Variants in TANC1 observed in about 807,000 individuals in gnomAD.
The protein encoded by TANC1 is tetratricopeptide repeat, ankyrin repeat and coiled-coil containing 1, also known as protein TANC1.
TANC1 carries 77 observed loss-of-function variants against 149.7 expected under a neutral mutation model. That is an observed-to-expected ratio of 0.51 (90% confidence interval 0.43 to 0.62). The LOEUF (loss-of-function observed/expected upper bound fraction) is 0.62. Ranked by LOEUF, TANC1 falls within the 20% of genes least tolerant of loss-of-function variation. TANC1 has a pLI of 0.00. For synonymous variants in TANC1, 854 were observed against 925.0 expected, an observed-to-expected ratio of 0.92 and a Z score of 1.39; for missense variants, 1,985 against 2,321.8, an observed-to-expected ratio of 0.85 and a Z score of 2.98.
intron 19 of TANC1, among the ~76,000 whole-genome samples, chr2:159,199,377 G>C (rs977983893): frequency 3.3e-5 from 5 of 152,214 alleles, no homozygotes; most frequent in Admixed American, 3.3e-4. Flanking sequence ...TCTAACCAAT[G>C]TGATCTTCCT....
In TANC1 at chr2:159,140,859, T is replaced by A. The variant is rs181009151; in HGVS notation, c.364+4561T>A. Among the ~76,000 whole-genome samples, 217 of 152,054 alleles carry A rather than the reference T, an allele frequency of 1.4e-3. 2 individuals are homozygous for A. Among genetic ancestry groups the A allele is most frequent in the African/African-American group, 5.0e-3 (209 of 41,462 alleles). ...GCACCCACCGCCACACCCGGCTAATTTTTGTATTTTTAGTAGAGACAGAGT... is the reference window on the plus strand; with the variant it reads ...GCACCCACCGCCACACCCGGCTAATATTTGTATTTTTAGTAGAGACAGAGT... On this transcript the variant is annotated intron_variant, in intron 5 of 26. Coordinates refer to ENST00000263635, the MANE Select transcript of TANC1 (RefSeq NM_033394.3).
intron 3 of TANC1, among the ~76,000 whole-genome samples, chr2:159,088,006 A>G (rs1001497086): frequency 6.6e-6 from 1 of 151,672 alleles, no homozygotes; most frequent in Non-Finnish European, 1.5e-5. Flanking sequence ...AGGAAGAGAA[A>G]GGCATGAACT....
At position 159,163,417 on chromosome 2, in the gene TANC1, G is replaced by T. The variant is rs763305367; in HGVS notation, c.817G>T (p.Ala273Ser). The change falls in exon 8 of 27, where the codon GCA becomes TCA. Residue 273 changes from alanine (A) to serine (S), a missense_variant. By Grantham distance (99) the Ala-to-Ser change is moderately conservative (BLOSUM62 1). This residue lies in a region of TANC1 where 557 missense variants were observed against 612.9 expected (regional missense o/e 0.91). Transcript: ENST00000263635. ...DRRADNCSPV[A>S]EEETTGSAES... ...CAGGGCAGATAACTGCTCCCCAGTG[G>T]CAGAAGAGGAGACCACCGGGTCAGC... is the stretch of plus-strand genomic sequence containing the variant. 1.9e-6 allele frequency: 3 copies of T among 1,614,174 alleles called. No individual in the cohort carries two copies. The highest frequency in any genetic ancestry group is 2.5e-6 in the Non-Finnish European group (3 of 1,180,036).
intron 18 of TANC1, 141 bp downstream of exon 18, chr2:159,196,934 G>T (rs62172663): frequency 0.027 from 19,290 of 718,706 alleles, 369 homozygotes; most frequent in African/African-American, 0.069. Context: ...GGTCTTCTAT[G>T]GGCACCACAT....
At chr2:159,028,577 A>G (rs970760013) in intron 2 of TANC1, among the ~76,000 whole-genome samples, 3 of 152,226 alleles carry the variant, frequency 2.0e-5, no homozygotes, top group Non-Finnish European at 4.4e-5. Flanking sequence ...TCTAACTCCT[A>G]ACAAAATTTT....
At position 159,059,888 on chromosome 2, in the gene TANC1, T is replaced by TTTTGTG. The variant is rs1195029777; in HGVS notation, c.-15-6007_-15-6006insTTGTGT. Among the ~76,000 whole-genome samples the TTTTGTG allele has an allele frequency of 2.6e-5, 3 of 114,804 alleles. No individual in the cohort carries two copies. In the Admixed American group the frequency reaches 2.8e-4, roughly 11 times the overall value. The allele number at this position is 114,804 out of a possible 152,430, so 75.3% of individuals were successfully genotyped here. Reference sequence around the variant, plus strand: ...CCAGTGTACCATCTAGCAGACCTCTTTGTGTGTGTGTGTGTGTGTGTGTGT... The same window carrying TTTTGTG: ...CCAGTGTACCATCTAGCAGACCTCTTTTTGTGTGTGTGTGTGTGTGTGTGTGTGTGT... On this transcript the variant is annotated intron_variant, in intron 2 of 26. Coordinates refer to ENST00000263635, the MANE Select transcript of TANC1 (RefSeq NM_033394.3).
At chr2:159,056,299 T>G (rs1471373695) in intron 2 of TANC1, 4 of 182,854 alleles carry the variant, frequency 2.2e-5, no homozygotes, top group Non-Finnish European at 4.7e-5. Flanking sequence ...GGGTTGGTTT[T>G]TATTTATTTT....
chr2:159,156,356 A>G (rs2053440397), intron 7 of TANC1, among the ~76,000 whole-genome samples: 1 of 152,214 alleles, frequency 6.6e-6, no homozygotes, highest in Non-Finnish European at 1.5e-5. Context: ...TAATGTGGGA[A>G]AGAAATTCTT....
chr2:158,975,833 CTTTTT>C (rs34605981), intron 1 of TANC1, among the ~76,000 whole-genome samples: 4 of 140,188 alleles, frequency 2.9e-5, no homozygotes, highest in African/African-American at 5.3e-5. Flanking sequence ...TCTTTCTTAT[CTTTTT>C]TTTTTTTTTT....
At chr2:159,111,825 G>A (rs2047758613) in intron 4 of TANC1, among the ~76,000 whole-genome samples, 1 of 152,152 alleles carries the variant, frequency 6.6e-6, no homozygotes. Context: ...TTCTATCTTG[G>A]GCTGTTTGAA....
At chr2:159,217,830 G>A (rs973154674) in intron 20 of TANC1, among the ~76,000 whole-genome samples, 200 bp downstream of exon 20, 1 of 152,208 alleles carries the variant, frequency 6.6e-6, no homozygotes, top group African/African-American at 2.4e-5. Context: ...GGGGAGCAAG[G>A]CTGCTCAAGG....
At chr2:159,181,824 C>T (rs1233193513) in intron 14 of TANC1, among the ~76,000 whole-genome samples, 1 of 152,200 alleles carries the variant, frequency 6.6e-6, no homozygotes, top group Non-Finnish European at 1.5e-5. Context: ...CGATGTACTA[C>T]CTCTCTTCTT....
chr2:158,978,814 T>C (rs1234261392), intron 1 of TANC1, among the ~76,000 whole-genome samples: 1 of 152,136 alleles, frequency 6.6e-6, no homozygotes, highest in African/African-American at 2.4e-5. Context: ...AGATATATGC[T>C]CCCCTGATGG....
At chr2:159,059,933 T>G (rs1305565073) in intron 2 of TANC1, among the ~76,000 whole-genome samples, 2 of 145,080 alleles carry the variant, frequency 1.4e-5, no homozygotes, top group South Asian at 2.2e-4. Context: ...TGTGTGTGGT[T>G]TTTTGTTGTT....
intron 2 of TANC1, among the ~76,000 whole-genome samples, chr2:159,035,923 T>A (rs1468471733): frequency 1.3e-5 from 2 of 152,182 alleles, no homozygotes; most frequent in Non-Finnish European, 2.9e-5. Flanking sequence ...CCTGTTAGAT[T>A]TAATTTTAAG....
intron 9 of TANC1, among the ~76,000 whole-genome samples, chr2:159,170,243 G>T (rs921688018): frequency 2.0e-5 from 3 of 152,186 alleles, no homozygotes; most frequent in African/African-American, 7.2e-5. Context: ...CTAATCCTCT[G>T]TGTGTCTGCC....
intron 3 of TANC1, among the ~76,000 whole-genome samples, chr2:159,091,882 G>A (rs2045578272): frequency 6.6e-6 from 1 of 151,196 alleles, no homozygotes; most frequent in South Asian, 2.1e-4. Context: ...GGCTTCAAGT[G>A]CTTTTAGTTG....
At chr2:159,160,052 T>C (rs1167311181) in intron 7 of TANC1, among the ~76,000 whole-genome samples, 2 of 152,158 alleles carry the variant, frequency 1.3e-5, no homozygotes, top group Admixed American at 6.5e-5. Flanking sequence ...CAAAGGAAGA[T>C]AAGACACTGT....
intron 16 of TANC1, 147 bp downstream of exon 16, chr2:159,187,171 C>T: frequency 2.1e-6 from 2 of 967,466 alleles, no homozygotes; most frequent in Non-Finnish European, 3.0e-6. Context: ...ATCACACGGG[C>T]TTGGGTGCTG....
Sources: gnomAD v4.1 joint callset for allele counts (sites outside exome capture counted in the v4.1 genomes callset) on GRCh38, gnomAD v4.1.1 for gene constraint, gnomAD v4.1.1 regional missense constraint, MANE v1.5 for transcripts, NCBI Gene and HGNC (gene_info 2026-07-23, HGNC 2026-07-21) for gene names.